The following ECT2L variants were observed in gnomAD, a reference collection of about 807,000 sequenced individuals.
The protein encoded by ECT2L is epithelial cell transforming 2 like, also known as epithelial cell-transforming sequence 2 oncogene-like.
Under a neutral mutation model 122.8 loss-of-function variants are expected in ECT2L, and 126 were observed. The observed-to-expected ratio is 1.03, with a 90% CI of 0.89 to 1.19. The LOEUF (loss-of-function observed/expected upper bound fraction) is 1.19. ECT2L is among the 50% of genes most tolerant of loss of function. The pLI is 0.00. For synonymous variants in ECT2L, 385 were observed against 381.8 expected, an observed-to-expected ratio of 1.01 and a Z score of -0.10; for missense variants, 1,012 against 1,064.1, an observed-to-expected ratio of 0.95 and a Z score of 0.68.
chr6:138,828,008 G>A (rs1461841588), intron 4 of ECT2L, among the ~76,000 whole-genome samples: 1 of 151,442 alleles, frequency 6.6e-6, no homozygotes, highest in Non-Finnish European at 1.5e-5. Context: ...ATGTATACAT[G>A]CGCCATGTTG....
At chr6:138,864,204 C>A (rs556310387) in intron 11 of ECT2L, among the ~76,000 whole-genome samples, 55 of 151,890 alleles carry the variant, frequency 3.6e-4, no homozygotes, top group African/African-American at 1.3e-3. Flanking sequence ...CATCTGTAAT[C>A]CCAGCTACTC....
chr6:138,864,567 A>G (rs549857215), intron 11 of ECT2L, among the ~76,000 whole-genome samples: 2 of 152,232 alleles, frequency 1.3e-5, no homozygotes, highest in East Asian at 3.9e-4. Flanking sequence ...TGGTGATGAC[A>G]GGGTTGACTT....
chr6:138,804,865 C>T (rs1417292930), intron 1 of ECT2L, among the ~76,000 whole-genome samples: 1 of 152,104 alleles, frequency 6.6e-6, no homozygotes. Flanking sequence ...GATTGAAATA[C>T]AGGACATAGA....
At chr6:138,851,206 G>A (rs1037355481) in intron 9 of ECT2L, among the ~76,000 whole-genome samples, 1 of 150,818 alleles carries the variant, frequency 6.6e-6, no homozygotes, top group Non-Finnish European at 1.5e-5. Flanking sequence ...TTTTTTTCTT[G>A]GAGACAGAGC....
chr6:138,861,128 A>C (rs11155016), intron 10 of ECT2L, among the ~76,000 whole-genome samples: 1 of 151,730 alleles, frequency 6.6e-6, no homozygotes, highest in Non-Finnish European at 1.5e-5. Context: ...CAGTCTACGA[A>C]TGATGGACAT....
intron 12 of ECT2L, among the ~76,000 whole-genome samples, chr6:138,865,711 A>T (rs989884315): frequency 1.3e-5 from 2 of 152,192 alleles, no homozygotes; most frequent in East Asian, 3.8e-4. Context: ...CTTTGAAAAC[A>T]ATTTACTTCC....
chr6:138,800,993 T>C (rs74353992), intron 1 of ECT2L, among the ~76,000 whole-genome samples: 4,972 of 152,108 alleles, frequency 0.033, 247 homozygotes, highest in African/African-American at 0.11. Context: ...GGTGGAAGGG[T>C]AAATGAGGTG....
chr6:138,839,364 CTT>C (rs11325945), intron 5 of ECT2L, among the ~76,000 whole-genome samples: 3,504 of 147,640 alleles, frequency 0.024, 128 homozygotes, highest in African/African-American at 0.08. Context: ...TAAACACATA[CTT>C]TTTTTTTTTT....
intron 13 of ECT2L, among the ~76,000 whole-genome samples, chr6:138,869,452 G>A (rs1562483998): frequency 1.3e-5 from 2 of 152,194 alleles, no homozygotes. Context: ...TCTGGGCGTA[G>A]CTGTCCTGCA....
Position 138,882,852 on chromosome 6 carries a change from T to G in ECT2L, c.2009T>G (p.Ile670Ser). The G allele has an allele frequency of 6.2e-7, 1 of 1,614,150 alleles. No individual in the cohort carries two copies. Among genetic ancestry groups the G allele is most frequent in the South Asian group, 1.1e-5 (1 of 91,072 alleles). The change falls in exon 16 of 22, where the codon ATT (isoleucine) becomes AGT (serine). Residue 670 changes from isoleucine to serine, a missense_variant. Physicochemically the swap from Ile to Ser is moderately radical, Grantham distance 142. Coordinates refer to ENST00000541398, the MANE Select transcript of ECT2L (RefSeq NM_001077706.3). Reference sequence around the variant, plus strand: ...AATTTCTTCAACAATTACCCTGTCATTCTGAAAACTATTGAGAAGGTAAAT... The same window carrying G: ...AATTTCTTCAACAATTACCCTGTCAGTCTGAAAACTATTGAGAAGGTAAAT... ...YTNFFNNYPV[I>S]LKTIEKCREM...
At chr6:138,815,234 G>A (rs1013499700) in intron 4 of ECT2L, among the ~76,000 whole-genome samples, 6 of 152,188 alleles carry the variant, frequency 3.9e-5, no homozygotes, top group Non-Finnish European at 5.9e-5. Context: ...AGATTGGAAG[G>A]TCACAATACC....
chr6:138,895,079 T>C (rs1388915227), intron 20 of ECT2L, among the ~76,000 whole-genome samples: 1 of 152,096 alleles, frequency 6.6e-6, no homozygotes, highest in African/African-American at 2.4e-5. Flanking sequence ...GGCAACATAG[T>C]TGGACCCCGT....
intron 11 of ECT2L, among the ~76,000 whole-genome samples, chr6:138,863,377 T>C (rs1377970925): frequency 6.6e-6 from 1 of 152,158 alleles, no homozygotes; most frequent in Non-Finnish European, 1.5e-5. Flanking sequence ...CAAGGGCCTT[T>C]TAGAACTTGG....
At chr6:138,815,810 A>G (rs1043109084) in intron 4 of ECT2L, among the ~76,000 whole-genome samples, 13 of 152,350 alleles carry the variant, frequency 8.5e-5, no homozygotes, top group African/African-American at 3.1e-4. Context: ...AGAGTGGTGC[A>G]TGATCAAATT....
rs193257195 is a variant in ECT2L at position 138,845,922 on chromosome 6, A to C, written c.765-617A>C. The stretch of plus-strand genomic sequence containing the variant: ...CCCATCTTTCCCCCCACCCAAAAAA[A>C]AATCTGGGTGTGATGGTACACACCT... On this transcript the variant is annotated intron_variant, in intron 7 of 21. Transcript: ENST00000541398. Among the ~76,000 whole-genome samples the C allele has an allele frequency of 3.3e-5, 5 of 152,076 alleles. No homozygotes were observed. In the East Asian group the frequency reaches 5.8e-4, roughly 18 times the overall value.
chr6:138,844,556 C>T lies in ECT2L; in HGVS notation c.740C>T (p.Thr247Ile), dbSNP rs773862102. Residue 247 changes from threonine (T) to isoleucine (I), a missense_variant, in exon 7 of 22, where the codon ACA becomes ATA. Physicochemically the swap from Thr to Ile is moderately conservative, Grantham distance 89. Transcript: ENST00000541398. ...GCTTTGGAGAAACAGCTTGTTTTGA[C>T]ATCGTTAGAAACCTTGCCCAAGCGG... ...HEALEKQLVL[T>I]SLETLPKRSN... 6.2e-7 allele frequency: 1 copy of T among 1,614,144 alleles called. No homozygotes were observed. Among genetic ancestry groups the T allele is most frequent in the Non-Finnish European group, 8.5e-7 (1 of 1,180,014 alleles).
In ECT2L at chr6:138,862,715, G is replaced by C. The variant is rs778381235; in HGVS notation, c.1287G>C (p.Gln429His). Residue 429 changes from glutamine to histidine, a missense_variant, in exon 11 of 22, where the codon CAG (glutamine) becomes CAC (histidine). Gln to His is a conservative substitution (Grantham distance 24). Coordinates refer to ENST00000541398, the MANE Select transcript of ECT2L (RefSeq NM_001077706.3). ...CTGGGATTGCAACTGGCTCTTACCA[G>C]CACAGTAAGTGTTATGGGAGCTGAG... ...APTGIATGSY[Q>H]HILSDWLGSQ... 1 of 1,613,824 alleles carries C rather than the reference G, an allele frequency of 6.2e-7. No individual in the cohort carries two copies. Among genetic ancestry groups the C allele is most frequent in the Non-Finnish European group, 8.5e-7 (1 of 1,179,764 alleles).
At chr6:138,813,891 C>G (rs930847964) in intron 3 of ECT2L, among the ~76,000 whole-genome samples, 4 of 152,148 alleles carry the variant, frequency 2.6e-5, no homozygotes, top group Non-Finnish European at 5.9e-5. Flanking sequence ...AAAGCCTGAC[C>G]TATGATAATA....
At chr6:138,804,237 AT>A (rs1775638586) in intron 1 of ECT2L, among the ~76,000 whole-genome samples, 1 of 152,194 alleles carries the variant, frequency 6.6e-6, no homozygotes, top group Non-Finnish European at 1.5e-5. Context: ...ATATGAAAAA[AT>A]TTTAGATAGT....
Sources: allele counts gnomAD v4.1 joint callset (sites outside exome capture counted in the v4.1 genomes callset), GRCh38; gene constraint gnomAD v4.1.1; transcripts MANE v1.5; gene names NCBI Gene and HGNC (gene_info 2026-07-23, HGNC 2026-07-21).